Variants in SNTG1 observed in about 807,000 individuals in gnomAD.
SNTG1 encodes gamma-1-syntrophin.
A neutral mutation model predicts 74.7 loss-of-function variants in SNTG1; 39 were observed. The observed-to-expected ratio is 0.52, with a 90% CI of 0.40 to 0.68. SNTG1 has a LOEUF of 0.68. SNTG1 is among the 30% of genes least tolerant of loss of function. The pLI, the probability that SNTG1 is intolerant of heterozygous loss-of-function variation, is 0.00. For synonymous variants in SNTG1, 254 were observed against 217.1 expected (o/e 1.17, Z -1.49); for missense variants, 685 against 609.5 (o/e 1.12, Z -1.30).
intron 13 of SNTG1, among the ~76,000 whole-genome samples, chr8:50,646,223 G>A (rs752291697): frequency 1.1e-4 from 16 of 152,114 alleles, no homozygotes; most frequent in African/African-American, 3.4e-4. Flanking sequence ...AGCCTTACCG[G>A]CTGTTGGAAT....
At chr8:50,043,625 G>A (rs1157762387) in intron 1 of SNTG1, among the ~76,000 whole-genome samples, 1 of 152,268 alleles carries the variant, frequency 6.6e-6, no homozygotes, top group East Asian at 1.9e-4. Flanking sequence ...GGGACCCAGT[G>A]GACAGATGTT....
rs199911277 is a variant in SNTG1 at position 50,618,891 on chromosome 8, A to G, written c.849+27974A>G. On this transcript the variant is annotated intron_variant, in intron 13 of 18. Transcript: ENST00000642720. ...GCAAGATGGAATTATATATGTGTAT[A>G]TGTGTGTGTGTGTGTGTGTATATAT... Among the ~76,000 whole-genome samples, 9 of 148,344 alleles carry G rather than the reference A, an allele frequency of 6.1e-5. No individual in the cohort carries two copies. In the South Asian group the frequency reaches 6.4e-4, roughly 11 times the overall value.
At chr8:50,660,368 GAGAA>G (rs1472409676) in intron 15 of SNTG1, among the ~76,000 whole-genome samples, 7 of 129,580 alleles carry the variant, frequency 5.4e-5, no homozygotes, top group Non-Finnish European at 9.5e-5. Context: ...AAGAGAGAGA[GAGAA>G]AGAAGGAAGG....
At chr8:50,000,451 T>C (rs2130438641) in intron 1 of SNTG1, among the ~76,000 whole-genome samples, 1 of 152,302 alleles carries the variant, frequency 6.6e-6, no homozygotes, top group South Asian at 2.1e-4. Context: ...TTTTTTTATG[T>C]TGTGCTTTAG....
At chr8:50,291,797 A>G (rs2089127000) in intron 2 of SNTG1, among the ~76,000 whole-genome samples, 1 of 152,224 alleles carries the variant, frequency 6.6e-6, no homozygotes, top group African/African-American at 2.4e-5. Flanking sequence ...CCAAGGTGTC[A>G]TGAATAAAGC....
At chr8:50,086,418 C>A (rs920868212) in intron 1 of SNTG1, among the ~76,000 whole-genome samples, 2 of 152,018 alleles carry the variant, frequency 1.3e-5, no homozygotes, top group Non-Finnish European at 2.9e-5. Flanking sequence ...AATCTAGGCA[C>A]AAGGCCACAG....
At chr8:50,357,923 G>A (rs914435594) in intron 2 of SNTG1, among the ~76,000 whole-genome samples, 1 of 152,096 alleles carries the variant, frequency 6.6e-6, no homozygotes, top group Non-Finnish European at 1.5e-5. Context: ...ATTTGATTGT[G>A]TCTCCGTTGA....
chr8:50,780,477 T>A (rs1003726929), intron 18 of SNTG1, among the ~76,000 whole-genome samples: 1 of 152,240 alleles, frequency 6.6e-6, no homozygotes, highest in Non-Finnish European at 1.5e-5. Context: ...CTAGATTTTC[T>A]AGTTTATTTG....
chr8:50,432,957 T>C (rs2093256029), intron 4 of SNTG1, among the ~76,000 whole-genome samples: 2 of 151,500 alleles, frequency 1.3e-5, no homozygotes, highest in Admixed American at 1.3e-4. Context: ...GCTCGGCTAA[T>C]TTTTTCTATT....
At chr8:50,508,430 A>C (rs1197255081) in intron 9 of SNTG1, among the ~76,000 whole-genome samples, 1 of 152,238 alleles carries the variant, frequency 6.6e-6, no homozygotes, top group Non-Finnish European at 1.5e-5. Context: ...CTTTGGGTAT[A>C]TACCCAGTAA....
At chr8:50,085,548 A>T (rs1822806188) in intron 1 of SNTG1, among the ~76,000 whole-genome samples, 1 of 152,168 alleles carries the variant, frequency 6.6e-6, no homozygotes, top group African/African-American at 2.4e-5. Flanking sequence ...TCAAGCCCTC[A>T]GGTTCTTTCT....
At chr8:50,777,064 T>C (rs73677522) in intron 18 of SNTG1, among the ~76,000 whole-genome samples, 3,021 of 151,816 alleles carry the variant, frequency 0.02, 97 homozygotes, top group African/African-American at 0.065. Context: ...CAAGGATTTC[T>C]TTGAGTTTAT....
rs747984541 is a variant in SNTG1 at position 50,438,640 on chromosome 8, A to G, written c.219+41A>G. ...AGTCTATCCTTACAAAGGCCATGCC[A>G]TAAGAGCTGAACTTTGGTGCATTTC... On this transcript the variant is annotated intron_variant, in intron 5 of 18. Transcript: ENST00000642720. The G allele has an allele frequency of 4.6e-6, 7 of 1,521,502 alleles. No homozygotes were observed. In the East Asian group the frequency reaches 9.1e-5, roughly 20 times the overall value. 94.3% of individuals were successfully genotyped at this position (1,521,502 alleles called of 1,614,324 possible). A position where few individuals can be genotyped will look rare whatever the true frequency, so the allele number is the denominator to read the frequency against.
intron 4 of SNTG1, among the ~76,000 whole-genome samples, chr8:50,431,652 A>T (rs754660545): frequency 3.3e-5 from 5 of 152,210 alleles, no homozygotes; most frequent in Non-Finnish European, 7.3e-5. Flanking sequence ...ACCAATAAGA[A>T]ATGAAAATTA....
At chr8:50,015,319 T>C (rs767801401) in intron 1 of SNTG1, among the ~76,000 whole-genome samples, 5 of 152,038 alleles carry the variant, frequency 3.3e-5, no homozygotes, top group African/African-American at 4.8e-5. Context: ...GGTAACTTGA[T>C]GATAGGTCAA....
chr8:50,217,160 ACTT>A (rs2084829253), intron 2 of SNTG1, among the ~76,000 whole-genome samples: 6 of 151,988 alleles, frequency 3.9e-5, no homozygotes, highest in Admixed American at 3.3e-4. Flanking sequence ...TAAAAGTAAA[ACTT>A]CATCATGATA....
intron 1 of SNTG1, among the ~76,000 whole-genome samples, chr8:50,128,046 C>A (rs537142671): frequency 6.6e-6 from 1 of 152,166 alleles, no homozygotes; most frequent in East Asian, 1.9e-4. Context: ...TGGGAAGAAT[C>A]AAACTTTAAA....
At chr8:50,715,530 A>C (rs1204266907) in intron 17 of SNTG1, among the ~76,000 whole-genome samples, 1 of 152,220 alleles carries the variant, frequency 6.6e-6, no homozygotes, top group African/African-American at 2.4e-5. Flanking sequence ...TATGAAGATA[A>C]TAAATATGAA....
chr8:50,780,392 G>T (rs983612963), intron 18 of SNTG1, among the ~76,000 whole-genome samples: 11 of 152,238 alleles, frequency 7.2e-5, no homozygotes, highest in Non-Finnish European at 1.5e-4. Flanking sequence ...CCTATTACTG[G>T]TCTATTCAGA....
Sources: allele counts gnomAD v4.1 joint callset (sites outside exome capture counted in the v4.1 genomes callset), GRCh38; gene constraint gnomAD v4.1.1; transcripts MANE v1.5; gene names NCBI Gene and HGNC (gene_info 2026-07-23, HGNC 2026-07-21).